Variants in RPS6KA2 observed in about 807,000 individuals in gnomAD.
RPS6KA2 encodes the protein ribosomal protein S6 kinase A2.
RPS6KA2 carries 42 observed loss-of-function variants against 91.8 expected under a neutral mutation model. The ratio of observed to expected loss-of-function variants is 0.46; its 90% CI spans 0.36 to 0.59. The LOEUF (loss-of-function observed/expected upper bound fraction) is 0.59, where lower values mean the gene tolerates loss of function less well. Among genes scored for constraint, RPS6KA2 ranks in the 20% least tolerant of loss-of-function variants. RPS6KA2 has a pLI of 0.00. For synonymous variants in RPS6KA2, 414 were observed against 393.6 expected, an observed-to-expected ratio of 1.05 and a Z score of -0.61; for missense variants, 798 against 978.5, an observed-to-expected ratio of 0.82 and a Z score of 2.46.
At chr6:166,499,825 G>T (rs994821621) in intron 7 of RPS6KA2, among the ~76,000 whole-genome samples, 9 of 129,244 alleles carry the variant, frequency 7.0e-5, no homozygotes, top group African/African-American at 2.1e-4. Flanking sequence ...ACTAATACAG[G>T]GACTTTGAGA....
At chr6:166,751,844 G>A (rs1791295167) in intron 2 of RPS6KA2, among the ~76,000 whole-genome samples, 1 of 151,574 alleles carries the variant, frequency 6.6e-6, no homozygotes, top group African/African-American at 2.4e-5. Flanking sequence ...TTCAAGGTCA[G>A]GCCCTGTGGA....
At position 166,437,020 on chromosome 6, in the gene RPS6KA2, T is replaced by A. The variant is rs1332661683; in HGVS notation, c.1333-4530A>T. Among the ~76,000 whole-genome samples the A allele has an allele frequency of 6.6e-6, 1 of 150,800 alleles. No homozygotes were observed. The highest frequency in any genetic ancestry group is 1.9e-4 in the East Asian group (1 of 5,188). On this transcript the variant is annotated intron_variant, in intron 14 of 20. Transcript: ENST00000265678. The surrounding 1 kb of genome is among the most constrained non-coding windows in gnomAD (Gnocchi z 4.3). ...GGCTGCTTTTCCCTGTAACTTTTTC[T>A]GAAAAAAAAATTTTTTTTTTTTGCT...
At chr6:166,772,664 G>A (rs1778506797) in intron 2 of RPS6KA2, among the ~76,000 whole-genome samples, 1 of 152,126 alleles carries the variant, frequency 6.6e-6, no homozygotes, top group Admixed American at 6.5e-5. Context: ...TCCACTCCAT[G>A]ACCTACTCTC....
At position 166,825,323 on chromosome 6, in the gene RPS6KA2, G is replaced by A. The variant is rs1583158040; in HGVS notation, c.123+32877C>T. ...GTACCCGTGGCTGTGAGGGGAAGGCGACTATTCTGAAGAGAATAACTTTAA... is the reference window on the plus strand; with the variant it reads ...GTACCCGTGGCTGTGAGGGGAAGGCAACTATTCTGAAGAGAATAACTTTAA... On this transcript the variant is annotated intron_variant, in intron 2 of 21. Transcript: ENST00000503859. The surrounding 1 kb of genome is among the most constrained non-coding windows in gnomAD (Gnocchi z 4.1). 1.3e-5 allele frequency among the ~76,000 whole-genome samples: 2 copies of A among 152,190 alleles called. No individual in the cohort carries two copies. Among genetic ancestry groups the A allele is most frequent in the South Asian group, 4.1e-4 (2 of 4,828 alleles).
chr6:166,617,717 T>A (rs949619659), intron 1 of RPS6KA2, among the ~76,000 whole-genome samples: 1 of 152,208 alleles, frequency 6.6e-6, no homozygotes, highest in Non-Finnish European at 1.5e-5. Context: ...AGATAAAATG[T>A]CCTAAATGAC....
intron 2 of RPS6KA2, among the ~76,000 whole-genome samples, chr6:166,755,889 T>C (rs1371013846): frequency 3.3e-5 from 5 of 152,216 alleles, no homozygotes; most frequent in African/African-American, 1.2e-4. Context: ...CTGTCTGTGC[T>C]TGTCACGTGT....
At position 166,410,590 on chromosome 6, in the gene RPS6KA2, G is replaced by A. The variant is rs989212824; in HGVS notation, c.*2172C>T. On this transcript the variant is annotated 3_prime_UTR_variant, in exon 21 of 21. Coordinates refer to ENST00000265678, the MANE Select transcript of RPS6KA2 (RefSeq NM_021135.6). ...GCTCGCTGTGATGGGGAGTCTCGTC[G>A]GTCCCTTTGGCATTCTTAGAGTTCA... is the stretch of plus-strand genomic sequence containing the variant. 4 of 152,248 alleles carry A rather than the reference G, an allele frequency of 2.6e-5. No individual in the cohort carries two copies. The highest frequency in any genetic ancestry group is 4.4e-5 in the Non-Finnish European group (3 of 68,010). The allele number at this position is 152,248 out of a possible 1,614,324, so 9.4% of individuals were successfully genotyped here.
chr6:166,424,341 C>T (rs897196936), intron 16 of RPS6KA2, among the ~76,000 whole-genome samples: 2 of 152,162 alleles, frequency 1.3e-5, no homozygotes, highest in African/African-American at 4.8e-5. Flanking sequence ...GCTTAATGCT[C>T]AAGACTGGGT....
intron 2 of RPS6KA2, among the ~76,000 whole-genome samples, chr6:166,693,511 T>C (rs994499656): frequency 1.3e-5 from 2 of 152,224 alleles, no homozygotes; most frequent in African/African-American, 4.8e-5. Context: ...GAGGACTCCC[T>C]GTTCCATATT....
chr6:166,499,763 A>G (rs28556679), intron 7 of RPS6KA2, among the ~76,000 whole-genome samples: 83,765 of 151,564 alleles, frequency 0.55, 26,206 homozygotes, highest in African/African-American at 0.85. Flanking sequence ...GTGTGAGAAT[A>G]GGCTAACATG....
intron 1 of RPS6KA2, among the ~76,000 whole-genome samples, chr6:166,547,196 G>A (rs748780970): frequency 1.8e-4 from 28 of 152,264 alleles, no homozygotes; most frequent in Admixed American, 7.2e-4. Context: ...GGTGACGTGC[G>A]TCCTCCTCTC....
chr6:166,619,195 T>C (rs1786534718), intron 1 of RPS6KA2, among the ~76,000 whole-genome samples: 2 of 152,238 alleles, frequency 1.3e-5, no homozygotes, highest in Admixed American at 6.5e-5. Flanking sequence ...TGTTAAGATC[T>C]AGAAATAAGA....
At chr6:166,693,834 T>C (rs1331325523) in intron 2 of RPS6KA2, among the ~76,000 whole-genome samples, 1 of 152,082 alleles carries the variant, frequency 6.6e-6, no homozygotes, top group African/African-American at 2.4e-5. Context: ...AAAAAACAAG[T>C]TCCACTCACC....
chr6:166,632,783 GA>G (rs1370602461), intron 2 of RPS6KA2, among the ~76,000 whole-genome samples: 2 of 152,180 alleles, frequency 1.3e-5, no homozygotes, highest in African/African-American at 4.8e-5. Context: ...CAAAGGAAAG[GA>G]AACTGGGAGC....
At chr6:166,551,936 C>T (rs541302240) in intron 1 of RPS6KA2, among the ~76,000 whole-genome samples, 66 of 152,322 alleles carry the variant, frequency 4.3e-4, no homozygotes, top group African/African-American at 1.4e-3. Flanking sequence ...TCAAGTGAGG[C>T]GACAAACTGA....
At chr6:166,499,476 G>A (rs1781939171) in intron 7 of RPS6KA2, among the ~76,000 whole-genome samples, 1 of 152,208 alleles carries the variant, frequency 6.6e-6, no homozygotes, top group Admixed American at 6.5e-5. Context: ...CACGTGTCGT[G>A]GGAGGGACAG....
chr6:166,578,996 G>T (rs1729162892), intron 1 of RPS6KA2, among the ~76,000 whole-genome samples: 1 of 152,176 alleles, frequency 6.6e-6, no homozygotes, highest in African/African-American at 2.4e-5. Context: ...TTCACATTTA[G>T]TGAGAAGGCC....
intron 2 of RPS6KA2, among the ~76,000 whole-genome samples, chr6:166,848,869 C>T (rs904527509): frequency 1.3e-5 from 2 of 151,536 alleles, no homozygotes; most frequent in African/African-American, 4.9e-5. Flanking sequence ...ATTCATGCAA[C>T]CAAATACCAC....
At chr6:166,438,388 C>T (rs1583134914) in intron 14 of RPS6KA2, among the ~76,000 whole-genome samples, 1 of 152,236 alleles carries the variant, frequency 6.6e-6, no homozygotes, top group African/African-American at 2.4e-5. Context: ...AAGGCTGGCC[C>T]GCGCTCCAGG....
Sources: gnomAD v4.1 joint callset for allele counts (sites outside exome capture counted in the v4.1 genomes callset) on GRCh38, gnomAD v4.1.1 for gene constraint, Gnocchi (gnomAD v3.1) non-coding constraint, MANE v1.5 for transcripts, NCBI Gene and HGNC (gene_info 2026-07-23, HGNC 2026-07-21) for gene names.